Variants in CAPN13 observed in about 807,000 individuals in gnomAD.
The protein encoded by CAPN13 is calpain 13.
In CAPN13, 90 loss-of-function variants were observed where a neutral mutation model predicts 98.4. The observed-to-expected ratio is 0.92, with a 90% CI of 0.77 to 1.09. The LOEUF is 1.09. CAPN13 is among the 50% of genes least tolerant of loss of function. The probability of loss-of-function intolerance (pLI) is 0.00; values close to 1 mark genes in which losing one functional copy is unlikely to be tolerated. For synonymous variants in CAPN13, 330 were observed against 305.5 expected, an observed-to-expected ratio of 1.08 and a Z score of -0.84; for missense variants, 887 against 841.3, an observed-to-expected ratio of 1.05 and a Z score of -0.67.
Position 30,775,821 on chromosome 2 carries a change from T to C in CAPN13, c.387+109A>G. The C allele has an allele frequency of 6.7e-6, 4 of 599,240 alleles. 1 individual carries two copies. Among genetic ancestry groups the C allele is most frequent in the Middle Eastern group, 5.4e-4 (2 of 3,690 alleles). The allele number at this position is 599,240 out of a possible 1,614,324, so 37.1% of individuals were successfully genotyped here. Reference sequence around the variant, plus strand: ...AGGTAGGGAGGGTAACTAACACAACTGTCACTTTCATCTCAGGCTTCCCGG... The same window carrying C: ...AGGTAGGGAGGGTAACTAACACAACCGTCACTTTCATCTCAGGCTTCCCGG... On this transcript the variant is annotated intron_variant, in intron 4 of 22. Coordinates refer to ENST00000295055, the MANE Select transcript of CAPN13 (RefSeq NM_144575.3).
intron 3 of CAPN13, 116 bp downstream of exon 3, chr2:30,777,451 G>T: frequency 2.3e-6 from 2 of 873,040 alleles, no homozygotes; most frequent in South Asian, 1.5e-5. Flanking sequence ...GTTTGTCCAC[G>T]GCAGCACCAA....
chr2:30,805,368 C>T (rs1675550041), intron 1 of CAPN13, among the ~76,000 whole-genome samples: 1 of 152,108 alleles, frequency 6.6e-6, no homozygotes, highest in Non-Finnish European at 1.5e-5. Flanking sequence ...TCACTGCTTC[C>T]CCTTTTTCTC....
At chr2:30,767,098 G>C (rs1163345433) in intron 5 of CAPN13, among the ~76,000 whole-genome samples, 1 of 152,222 alleles carries the variant, frequency 6.6e-6, no homozygotes, top group Non-Finnish European at 1.5e-5. Flanking sequence ...ATGGGAAATA[G>C]CGACTAGGGA....
At chr2:30,734,320 G>A (rs1671246514) in intron 19 of CAPN13, 129 bp downstream of exon 19, 2 of 695,960 alleles carry the variant, frequency 2.9e-6, no homozygotes, top group Non-Finnish European at 5.1e-6. Flanking sequence ...AACTGGGGAG[G>A]ACACGAGAGC....
chr2:30,777,491 G>T, intron 3 of CAPN13, 76 bp downstream of exon 3: 1 of 1,309,438 alleles, frequency 7.6e-7, no homozygotes. Context: ...TCAGAAGTGG[G>T]GCAGGACTCT....
intron 5 of CAPN13, among the ~76,000 whole-genome samples, chr2:30,766,513 A>G (rs1412269109): frequency 6.6e-6 from 1 of 152,214 alleles, no homozygotes; most frequent in Non-Finnish European, 1.5e-5. Flanking sequence ...GTTCAGGAAC[A>G]TGGCAACTAT....
chr2:30,756,433 C>G (rs10194343), intron 8 of CAPN13, among the ~76,000 whole-genome samples: 1 of 152,110 alleles, frequency 6.6e-6, no homozygotes, highest in Non-Finnish European at 1.5e-5. Context: ...TGCCAGCCCA[C>G]GGGAAGCTTC....
rs767779434 is a variant in CAPN13, at chr2:30,775,932, G to T, written c.385C>A (p.Arg129=). The T allele has an allele frequency of 1.9e-6, 3 of 1,606,344 alleles. No homozygotes were observed. The Admixed American group carries it at 5.0e-5, about 27-fold the overall frequency. The change falls in exon 4 of 23, where the codon CGG becomes AGG. Residue 129 remains arginine, a splice_region_variant and synonymous_variant. Coordinates refer to ENST00000295055, the MANE Select transcript of CAPN13 (RefSeq NM_144575.3). ...GAGCGCTGCAAGGGCACACGTACCC[G>T]GAAACGGAAAATGCCAGCATACTGG... The part of the protein sequence containing the change: ...SHQYAGIFRF[R]FWQCGQWVEV...
chr2:30,802,506 T>G, intron 1 of CAPN13, among the ~76,000 whole-genome samples: 1 of 137,098 alleles, frequency 7.3e-6, no homozygotes, highest in Admixed American at 7.5e-5. Flanking sequence ...AATGTAAACG[T>G]GTCTAAGTGA....
rs1051096866 is a variant in CAPN13, at chr2:30,741,917, A to G, written c.1527T>C (p.Tyr509=). The G allele has an allele frequency of 3.1e-6, 5 of 1,613,810 alleles. No individual in the cohort carries two copies. The highest frequency in any genetic ancestry group is 1.6e-4 in the Middle Eastern group (1 of 6,078). The part of the protein sequence containing the change: ...HGSQQSIFNR[Y]AQQRLDIDAT... ...GTGCTAGGTACCATACCTGCTGAGC[A>G]TATCTGTTGAAAATGCTTTGTTGGG... is the stretch of plus-strand genomic sequence containing the variant. Residue 509 remains tyrosine (Y), a synonymous_variant, in exon 15 of 23, where the codon TAT becomes TAC. Transcript: ENST00000295055.
At chr2:30,785,704 C>T (rs75722999) in intron 2 of CAPN13, among the ~76,000 whole-genome samples, 1,820 of 152,198 alleles carry the variant, frequency 0.012, 27 homozygotes, top group African/African-American at 0.042. Flanking sequence ...AATTCTTCAA[C>T]ACTATAAATA....
At chr2:30,790,816 A>G (rs1674569840) in intron 1 of CAPN13, among the ~76,000 whole-genome samples, 1 of 152,182 alleles carries the variant, frequency 6.6e-6, no homozygotes, top group African/African-American at 2.4e-5. Context: ...TAACAACAGG[A>G]TTTATTTCTC....
chr2:30,802,996 G>T (rs1300818870), intron 1 of CAPN13, among the ~76,000 whole-genome samples: 2 of 152,176 alleles, frequency 1.3e-5, no homozygotes. Context: ...TGCATCTGGT[G>T]GTCTGCTGGC....
At chr2:30,753,982 T>G (rs1054832932) in intron 9 of CAPN13, among the ~76,000 whole-genome samples, 5 of 152,200 alleles carry the variant, frequency 3.3e-5, no homozygotes, top group East Asian at 1.9e-4. Flanking sequence ...GATATGGGCA[T>G]GACAACCATG....
At chr2:30,777,184 C>T (rs1469146562) in intron 3 of CAPN13, among the ~76,000 whole-genome samples, 1 of 152,224 alleles carries the variant, frequency 6.6e-6, no homozygotes, top group Non-Finnish European at 1.5e-5. Context: ...TCAGCAGCTC[C>T]TTTGCTCTGG....
At chr2:30,790,488 T>G (rs931767970) in intron 1 of CAPN13, among the ~76,000 whole-genome samples, 2 of 152,158 alleles carry the variant, frequency 1.3e-5, no homozygotes, top group Non-Finnish European at 1.5e-5. Flanking sequence ...AAGAAGCTTG[T>G]GTGAGCTCAT....
chr2:30,745,408 T>C lies in CAPN13; in HGVS notation c.1248+315A>G, dbSNP rs1168495052. ...AAGATCTTTCCAAGGTACCCCTTAG[T>C]GCTGCTCTCATCTTAAATAAAAAGG... On this transcript the variant is annotated intron_variant, in intron 12 of 22. Coordinates refer to ENST00000295055, the MANE Select transcript of CAPN13 (RefSeq NM_144575.3). 1.9e-5 allele frequency: 10 copies of C among 528,714 alleles called. 1 individual carries two copies. The highest frequency in any genetic ancestry group is 1.8e-4 in the South Asian group (10 of 56,160). 32.8% of individuals were successfully genotyped at this position (528,714 alleles called of 1,614,324 possible). A position where few individuals can be genotyped will look rare whatever the true frequency, so the allele number is the denominator to read the frequency against.
At chr2:30,741,702 C>T (rs369118493) in intron 15 of CAPN13, 240 of 1,417,324 alleles carry the variant, frequency 1.7e-4, no homozygotes, top group Non-Finnish European at 2.1e-4. Context: ...TGAAGTCCCC[C>T]GGATGACACT....
At chr2:30,780,421 A>C (rs1673925804) in intron 2 of CAPN13, among the ~76,000 whole-genome samples, 1 of 152,270 alleles carries the variant, frequency 6.6e-6, no homozygotes, top group Admixed American at 6.5e-5. Flanking sequence ...GTTTCACATC[A>C]GACATCTAAT....
Sources: gnomAD v4.1 joint callset for allele counts (sites outside exome capture counted in the v4.1 genomes callset) on GRCh38, gnomAD v4.1.1 for gene constraint, MANE v1.5 for transcripts, NCBI Gene and HGNC (gene_info 2026-07-23, HGNC 2026-07-21) for gene names.